The following STK3 variants were observed in gnomAD, a reference collection of about 807,000 sequenced individuals.
STK3 encodes serine/threonine kinase 3.
STK3 carries 41 observed loss-of-function variants against 58.0 expected under a neutral mutation model. The ratio of observed to expected loss-of-function variants is 0.71; its 90% CI spans 0.55 to 0.92. STK3 has a LOEUF of 0.92. STK3 is among the 40% of genes least tolerant of loss of function. STK3 has a pLI of 0.00. For synonymous variants in STK3, 170 were observed against 191.0 expected, an observed-to-expected ratio of 0.89 and a Z score of 0.91; for missense variants, 479 against 602.7, an observed-to-expected ratio of 0.79 and a Z score of 2.15.
chr8:98,912,867 T>G (rs978625015), intron 1 of STK3, among the ~76,000 whole-genome samples: 1 of 151,974 alleles, frequency 6.6e-6, no homozygotes, highest in South Asian at 2.1e-4. Flanking sequence ...AGTGGTTGTG[T>G]TTTTTTTGTT....
At chr8:98,744,671 ATG>A (rs1326046787) in intron 4 of STK3, among the ~76,000 whole-genome samples, 4 of 151,754 alleles carry the variant, frequency 2.6e-5, no homozygotes, top group African/African-American at 4.8e-5. Context: ...AGCATGGCAC[ATG>A]TATACATATG....
At chr8:98,738,378 C>G (rs1014234110) in intron 4 of STK3, among the ~76,000 whole-genome samples, 6 of 152,058 alleles carry the variant, frequency 3.9e-5, no homozygotes, top group East Asian at 3.9e-4. Flanking sequence ...GAGGATGAGG[C>G]ACAAGAATCA....
intron 1 of STK3, chr8:98,905,360 G>T: frequency 9.7e-7 from 1 of 1,029,824 alleles, no homozygotes; most frequent in Non-Finnish European, 1.5e-6. Flanking sequence ...CACATTCAAT[G>T]ACTGGACCAT....
downstream of STK3, among the ~76,000 whole-genome samples, chr8:98,398,870 C>T (rs1183750982): frequency 1.3e-5 from 2 of 152,152 alleles, no homozygotes; most frequent in Admixed American, 1.3e-4. Context: ...GATAAAGAGG[C>T]CACAGCGTTA....
At chr8:98,776,337 T>C (rs1189943342) in intron 1 of STK3, among the ~76,000 whole-genome samples, 1 of 151,778 alleles carries the variant, frequency 6.6e-6, no homozygotes, top group Admixed American at 6.6e-5. Flanking sequence ...TGGTTCAGGT[T>C]TGCTGCAGGG....
At chr8:98,821,266 G>A (rs1032547254) in intron 1 of STK3, among the ~76,000 whole-genome samples, 4 of 152,096 alleles carry the variant, frequency 2.6e-5, no homozygotes, top group Admixed American at 6.6e-5. Flanking sequence ...TAGGTTGCAC[G>A]CTCCTTATGA....
chr8:98,833,342 G>A (rs1219138407), intron 3 of STK3, among the ~76,000 whole-genome samples: 2 of 152,016 alleles, frequency 1.3e-5, no homozygotes, highest in East Asian at 1.9e-4. Context: ...AATAAGGGGG[G>A]TTATGGGAGC....
intron 3 of STK3, among the ~76,000 whole-genome samples, chr8:98,839,830 G>A (rs138413576): frequency 6.6e-6 from 1 of 152,106 alleles, no homozygotes; most frequent in East Asian, 1.9e-4. Context: ...GGCACCTTGC[G>A]AATAAATCAT....
chr8:98,892,804 T>G (rs1838245050), intron 1 of STK3, among the ~76,000 whole-genome samples: 1 of 152,246 alleles, frequency 6.6e-6, no homozygotes, highest in African/African-American at 2.4e-5. Context: ...TAGCAAATAC[T>G]TGTCTCATAG....
intron 1 of STK3, among the ~76,000 whole-genome samples, chr8:98,801,849 T>C (rs1833573447): frequency 6.6e-6 from 1 of 152,134 alleles, no homozygotes; most frequent in Non-Finnish European, 1.5e-5. Flanking sequence ...AAGCTTGTTG[T>C]ATCTCATTTT....
In STK3 at chr8:98,455,560, G is replaced by A; in HGVS notation, c.*282C>T. ...AATAGCTTTGGATTTTCAAGGTTTA[G>A]AGACCTTGAAAATCCATTTCATAAC... is the stretch of plus-strand genomic sequence containing the variant. On this transcript the variant is annotated 3_prime_UTR_variant, in exon 11 of 11. Transcript: ENST00000419617. 4.8e-6 allele frequency: 2 copies of A among 414,008 alleles called. No individual in the cohort carries two copies. The highest frequency in any genetic ancestry group is 8.7e-6 in the Non-Finnish European group (2 of 228,988). The allele number at this position is 414,008 out of a possible 1,614,324, so 25.6% of individuals were successfully genotyped here.
chr8:98,431,083 G>C (rs560459792), intron 3 of STK3: 1 of 167,218 alleles, frequency 6.0e-6, no homozygotes, highest in African/African-American at 2.4e-5. Context: ...GAGCTATCCA[G>C]GGTTTTCATC....
intron 6 of STK3, among the ~76,000 whole-genome samples, chr8:98,599,607 AG>A (rs1360559279): frequency 6.6e-6 from 1 of 152,176 alleles, no homozygotes; most frequent in Non-Finnish European, 1.5e-5. Context: ...TTAAATTGCT[AG>A]TTAGGAAAGG....
rs1815802263 is a variant in STK3, at chr8:98,596,064, C to T, written c.790G>A (p.Glu264Lys). ...AGTTGTGTTGCAGTAGCTCTCTGCT[C>T]AGGATTCTTCACCAAACACTTTTTA... ...FVKKCLVKNP[E>K]QRATATQLLQ... is the part of the protein sequence containing the mutation. The change falls in exon 7 of 11, where the codon GAG becomes AAG. Residue 264 changes from glutamate (E) to lysine (K), a missense_variant. This residue lies in a region of STK3 where 309 missense variants were observed against 355.7 expected (regional missense o/e 0.87). Transcript: ENST00000419617. 5 of 1,613,232 alleles carry T rather than the reference C, an allele frequency of 3.1e-6. No homozygotes were observed. The highest frequency in any genetic ancestry group is 4.2e-6 in the Non-Finnish European group (5 of 1,179,630).
At chr8:98,767,567 T>C (rs1831028140) in intron 2 of STK3, among the ~76,000 whole-genome samples, 196 bp from the exon 3 acceptor site, 1 of 152,222 alleles carries the variant, frequency 6.6e-6, no homozygotes, top group South Asian at 2.1e-4. Flanking sequence ...ACTACAGACT[T>C]AAAATAGTCA....
At chr8:98,764,650 G>C (rs143280579) in intron 3 of STK3, among the ~76,000 whole-genome samples, 6 of 152,170 alleles carry the variant, frequency 3.9e-5, no homozygotes, top group Non-Finnish European at 5.9e-5. Flanking sequence ...ATTCCCTCTG[G>C]ATAGTCTAGT....
At chr8:98,785,267 C>T (rs1208458470) in intron 1 of STK3, among the ~76,000 whole-genome samples, 2 of 152,224 alleles carry the variant, frequency 1.3e-5, no homozygotes, top group Non-Finnish European at 2.9e-5. Context: ...CCCTCCTCCG[C>T]AGAAATCTTA....
chr8:98,525,026 C>T lies in STK3; in HGVS notation c.1317+1716G>A, dbSNP rs992285799. On this transcript the variant is annotated intron_variant, in intron 10 of 10. Transcript: ENST00000419617. ...CTTAACCATGATAATTTATTCATTA[C>T]TTTGTAGCTCATTTCAAAGTGTTTC... is the stretch of plus-strand genomic sequence containing the variant. Among the ~76,000 whole-genome samples, 3 of 152,128 alleles carry T rather than the reference C, an allele frequency of 2.0e-5. No individual in the cohort carries two copies. The East Asian group carries it at 5.8e-4, about 29-fold the overall frequency.
At chr8:98,414,763 C>A (rs1231498998) in intron 3 of STK3, among the ~76,000 whole-genome samples, 1 of 152,198 alleles carries the variant, frequency 6.6e-6, no homozygotes, top group African/African-American at 2.4e-5. Context: ...ATGATGTGGG[C>A]CACTTCTGAG....
Sources: allele counts gnomAD v4.1 joint callset (sites outside exome capture counted in the v4.1 genomes callset), GRCh38; gene constraint gnomAD v4.1.1; regional missense constraint gnomAD v4.1.1; transcripts MANE v1.5; gene names NCBI Gene and HGNC (gene_info 2026-07-23, HGNC 2026-07-21).